Variants in GNA14 observed in about 807,000 individuals in gnomAD.
The protein encoded by GNA14 is G protein subunit alpha 14.
In GNA14, 50 loss-of-function variants were observed where a neutral mutation model predicts 42.0. The ratio of observed to expected loss-of-function variants is 1.19; its 90% CI spans 0.95 to 1.51. The LOEUF is 1.51. Ranked by LOEUF, GNA14 falls within the 40% of genes most tolerant of loss-of-function variation. The pLI is 0.00. For missense variants in GNA14, 473 were observed against 446.2 expected (o/e 1.06, Z -0.54); for synonymous variants, 173 against 163.1 (o/e 1.06, Z -0.46).
chr9:77,465,571 A>AGT (rs1295484400), intron 2 of GNA14, among the ~76,000 whole-genome samples: 2 of 144,206 alleles, frequency 1.4e-5, no homozygotes, highest in African/African-American at 5.4e-5. Context: ...CTGACAAACT[A>AGT]TTCTAAAGCA....
At chr9:77,430,442 A>G (rs973647523) in intron 4 of GNA14, among the ~76,000 whole-genome samples, 2 of 152,240 alleles carry the variant, frequency 1.3e-5, no homozygotes, top group Non-Finnish European at 2.9e-5. Context: ...AAAAGCAGTT[A>G]ATTGTGAAAA....
At chr9:77,579,833 A>G (rs1231601982) in intron 1 of GNA14, among the ~76,000 whole-genome samples, 1 of 152,230 alleles carries the variant, frequency 6.6e-6, no homozygotes, top group East Asian at 1.9e-4. Context: ...TACACTTTCC[A>G]GTGATGCCCC....
intron 1 of GNA14, among the ~76,000 whole-genome samples, chr9:77,566,351 C>A (rs1212270871): frequency 6.6e-6 from 1 of 151,822 alleles, no homozygotes; most frequent in African/African-American, 2.4e-5. Context: ...AACAGGGTCT[C>A]GCCATGTTGG....
Position 77,537,307 on chromosome 9 carries a change from C to T in GNA14, c.125-8054G>A, listed in dbSNP as rs369693585. On this transcript the variant is annotated intron_variant, in intron 1 of 6. Coordinates refer to ENST00000341700, the MANE Select transcript of GNA14 (RefSeq NM_004297.4). ...CCACAAGACCAAGTGTTTTATCTCC[C>T]ACCTATGAGTGAGAACATGCAGTAC... Among the ~76,000 whole-genome samples the T allele has an allele frequency of 2.6e-5, 4 of 152,268 alleles. No homozygotes were observed. In the South Asian group the frequency reaches 8.3e-4, roughly 32 times the overall value.
chr9:77,444,326 C>T (rs1033157703), intron 2 of GNA14, among the ~76,000 whole-genome samples: 4 of 152,210 alleles, frequency 2.6e-5, no homozygotes, highest in African/African-American at 9.6e-5. Flanking sequence ...GCACATTTAA[C>T]TCCTGCCTGG....
intron 3 of GNA14, chr9:77,431,661 G>A: frequency 4.3e-6 from 2 of 464,562 alleles, no homozygotes; most frequent in Non-Finnish European, 7.7e-6. Context: ...ACTTCCATGC[G>A]CCTTCTGGGA....
At chr9:77,462,864 C>T (rs892336829) in intron 2 of GNA14, among the ~76,000 whole-genome samples, 1 of 152,138 alleles carries the variant, frequency 6.6e-6, no homozygotes, top group African/African-American at 2.4e-5. Context: ...AAACTTCTCC[C>T]CAGGGTCCCC....
At chr9:77,587,822 C>T (rs1005733017) in intron 1 of GNA14, among the ~76,000 whole-genome samples, 2 of 152,158 alleles carry the variant, frequency 1.3e-5, no homozygotes, top group Non-Finnish European at 2.9e-5. Flanking sequence ...CACAAGCACA[C>T]GTATACACAC....
At chr9:77,523,183 T>C (rs976412702) in intron 2 of GNA14, among the ~76,000 whole-genome samples, 3 of 152,192 alleles carry the variant, frequency 2.0e-5, no homozygotes, top group Non-Finnish European at 2.9e-5. Context: ...CATTCTTGCA[T>C]TGCTAAACAG....
intron 2 of GNA14, among the ~76,000 whole-genome samples, chr9:77,464,381 G>A (rs7867527): frequency 3.3e-5 from 5 of 150,828 alleles, no homozygotes; most frequent in Non-Finnish European, 2.9e-5. Context: ...GTGTGTGTGT[G>A]TGTGTGTGTG....
Position 77,425,559 on chromosome 9 carries a change from T to A in GNA14, c.877+3A>T. On this transcript the variant is annotated splice_donor_region_variant and intron_variant, in intron 6 of 6. Coordinates refer to ENST00000341700, the MANE Select transcript of GNA14 (RefSeq NM_004297.4). The stretch of plus-strand genomic sequence containing the variant: ...AAACACTGTCCACAAGATAGACACT[T>A]ACCTGTGTATTCTGGGAAATAGCTA... The A allele has an allele frequency of 6.3e-7, 1 of 1,596,228 alleles. No homozygotes were observed. Among genetic ancestry groups the A allele is most frequent in the Non-Finnish European group, 8.6e-7 (1 of 1,168,608 alleles).
chr9:77,586,976 GTT>G (rs3052396), intron 1 of GNA14, among the ~76,000 whole-genome samples: 45,255 of 142,886 alleles, frequency 0.32, 8,629 homozygotes, highest in Non-Finnish European at 0.45. Flanking sequence ...TTACAGGCTG[GTT>G]TTTTTTTTTT....
At chr9:77,472,020 A>C (rs1202626490) in intron 2 of GNA14, among the ~76,000 whole-genome samples, 1 of 152,198 alleles carries the variant, frequency 6.6e-6, no homozygotes, top group Non-Finnish European at 1.5e-5. Flanking sequence ...ACTACAGGCT[A>C]ATTCTCTTGG....
chr9:77,640,871 C>CAAAAAAAAAAAAAAAAAAA (rs1178043976), intron 1 of GNA14, among the ~76,000 whole-genome samples: 1 of 27,366 alleles, frequency 3.7e-5, no homozygotes, highest in Non-Finnish European at 7.6e-5. Flanking sequence ...ATAAAATGCT[C>CAAAAAAAAAAAAAAAAAAA]AAAAAAAAAA....
intron 1 of GNA14, among the ~76,000 whole-genome samples, chr9:77,569,776 T>C (rs1587833454): frequency 6.6e-6 from 1 of 152,024 alleles, no homozygotes; most frequent in Non-Finnish European, 1.5e-5. Flanking sequence ...CTTTCTTTTT[T>C]TTTTTTTTAA....
At chr9:77,511,554 A>C (rs77629530) in intron 2 of GNA14, among the ~76,000 whole-genome samples, 1,934 of 152,308 alleles carry the variant, frequency 0.013, 17 homozygotes, top group Middle Eastern at 0.02. Context: ...GAATGAAACC[A>C]AACTCATGAG....
chr9:77,519,504 CAT>C (rs762825835), intron 2 of GNA14, among the ~76,000 whole-genome samples: 6 of 152,174 alleles, frequency 3.9e-5, no homozygotes, highest in Non-Finnish European at 8.8e-5. Flanking sequence ...GTTTAAAACA[CAT>C]GTCCCCTTCC....
At chr9:77,531,845 T>C (rs2131770282) in intron 1 of GNA14, among the ~76,000 whole-genome samples, 1 of 152,136 alleles carries the variant, frequency 6.6e-6, no homozygotes, top group South Asian at 2.1e-4. Context: ...AGACATGGAG[T>C]ATTTCAAAAA....
At chr9:77,530,467 T>C (rs1416825326) in intron 1 of GNA14, among the ~76,000 whole-genome samples, 1 of 152,210 alleles carries the variant, frequency 6.6e-6, no homozygotes, top group Admixed American at 6.5e-5. Flanking sequence ...TCAACCTCTT[T>C]TCTTTATAAA....
Sources: allele counts gnomAD v4.1 joint callset (sites outside exome capture counted in the v4.1 genomes callset), GRCh38; gene constraint gnomAD v4.1.1; transcripts MANE v1.5; gene names NCBI Gene and HGNC (gene_info 2026-07-23, HGNC 2026-07-21).